ITGAV: variants seen among roughly 807,000 people sequenced by gnomAD.
ITGAV encodes the protein integrin subunit alpha V, also known as integrin alpha-V.
Under a neutral mutation model 143.8 loss-of-function variants are expected in ITGAV, and 76 were observed. That is an observed-to-expected ratio of 0.53 (90% CI 0.44 to 0.64). The LOEUF is 0.64. Among genes scored for constraint, ITGAV ranks in the 30% least tolerant of loss-of-function variants. The pLI is 0.00. For missense variants in ITGAV, 1,193 were observed against 1,274.7 expected (o/e 0.94, Z 0.98); for synonymous variants, 453 against 446.7 (o/e 1.01, Z -0.18).
chr2:186,606,189 C>A (rs1363103622), intron 2 of ITGAV, among the ~76,000 whole-genome samples: 1 of 152,150 alleles, frequency 6.6e-6, no homozygotes, highest in Admixed American at 6.5e-5. Flanking sequence ...AACTCTTCAT[C>A]CCATCTTAGC....
At chr2:186,637,208 G>GCA in intron 8 of ITGAV, 99 bp downstream of exon 8, 2 of 947,826 alleles carry the variant, frequency 2.1e-6, no homozygotes, top group South Asian at 2.7e-5. Flanking sequence ...GTGGCTGGGT[G>GCA]CTGTGGCTGC....
At chr2:186,592,253 C>T (rs1686633479) in intron 1 of ITGAV, among the ~76,000 whole-genome samples, 1 of 152,154 alleles carries the variant, frequency 6.6e-6, no homozygotes, top group Non-Finnish European at 1.5e-5. Flanking sequence ...ACCTGGGCAA[C>T]ATGGTGAAAC....
intron 1 of ITGAV, among the ~76,000 whole-genome samples, chr2:186,599,159 A>C (rs761027944): frequency 3.9e-5 from 6 of 152,240 alleles, no homozygotes; most frequent in Non-Finnish European, 7.3e-5. Flanking sequence ...AATGAAACAA[A>C]ATGATTATGG....
chr2:186,677,046 G>A (rs1453713021), intron 29 of ITGAV, 111 bp downstream of exon 29: 1 of 1,227,672 alleles, frequency 8.1e-7, no homozygotes, highest in Non-Finnish European at 1.2e-6. Flanking sequence ...CTGTAATGAT[G>A]ATACTTGATG....
chr2:186,622,476 T>C (rs367804055), intron 3 of ITGAV, 46 bp downstream of exon 3: 1 of 1,224,462 alleles, frequency 8.2e-7, no homozygotes, highest in Non-Finnish European at 1.2e-6. Flanking sequence ...AGTCAGTTTA[T>C]GTGGAGACAC....
intron 7 of ITGAV, among the ~76,000 whole-genome samples, chr2:186,636,564 A>T (rs1157910304): frequency 6.6e-6 from 1 of 152,220 alleles, no homozygotes; most frequent in East Asian, 1.9e-4. Context: ...TGAGGCACTG[A>T]GACGCAAAAT....
intron 6 of ITGAV, among the ~76,000 whole-genome samples, chr2:186,634,687 C>T (rs888217149): frequency 2.6e-5 from 4 of 152,098 alleles, no homozygotes; most frequent in Admixed American, 2.6e-4. Context: ...ATGCATTATA[C>T]ATCTATTGGG....
At chr2:186,673,577 T>C (rs1689124906) in intron 26 of ITGAV, among the ~76,000 whole-genome samples, 1 of 152,176 alleles carries the variant, frequency 6.6e-6, no homozygotes, top group Non-Finnish European at 1.5e-5. Context: ...TTCAACAATA[T>C]TTTGTCACTT....
chr2:186,614,631 T>G (rs980069919), intron 2 of ITGAV, among the ~76,000 whole-genome samples: 9 of 152,034 alleles, frequency 5.9e-5, no homozygotes, highest in Admixed American at 1.3e-4. Flanking sequence ...TGAGTCTTTT[T>G]TCATATGCTT....
intron 10 of ITGAV, among the ~76,000 whole-genome samples, chr2:186,639,074 A>G (rs911724655): frequency 2.0e-5 from 3 of 152,134 alleles, no homozygotes; most frequent in African/African-American, 7.2e-5. Context: ...TATGTGTATT[A>G]TAGATATTAT....
At chr2:186,603,111 G>A (rs1686959241) in intron 2 of ITGAV, among the ~76,000 whole-genome samples, 1 of 152,090 alleles carries the variant, frequency 6.6e-6, no homozygotes, top group South Asian at 2.1e-4. Context: ...GCAGAATTCT[G>A]TACGCATTTA....
intron 13 of ITGAV, among the ~76,000 whole-genome samples, chr2:186,648,647 T>C (rs1688328476): frequency 6.6e-6 from 1 of 151,724 alleles, no homozygotes; most frequent in Admixed American, 6.6e-5. Context: ...GTATTTTTAG[T>C]AGAGATGGGG....
At chr2:186,642,688 C>T (rs113761147) in intron 12 of ITGAV, among the ~76,000 whole-genome samples, 1 of 143,628 alleles carries the variant, frequency 7.0e-6, no homozygotes, top group Admixed American at 6.9e-5. Flanking sequence ...GCTCCCACCA[C>T]CTAGCCCAGC....
chr2:186,674,905 GGA>G lies in ITGAV; in HGVS notation c.2707-696_2707-695del, dbSNP rs1407948007. On this transcript the variant is annotated intron_variant, in intron 26 of 29. Transcript: ENST00000261023. ...GCTATTGTCTTATTTCTGACATTAG[GGA>G]GAAAGAAGGATGAAGTATGATATTA... 1.1e-4 allele frequency among the ~76,000 whole-genome samples: 17 copies of G among 152,198 alleles called. No individual in the cohort carries two copies. The East Asian group carries it at 3.3e-3, about 29-fold the overall frequency.
At position 186,640,915 on chromosome 2, in the gene ITGAV, A is replaced by T; in HGVS notation, c.904A>T (p.Met302Leu). The change falls in exon 11 of 30, where the codon ATG becomes TTG. Residue 302 changes from methionine (M) to leucine (L), a missense_variant and splice_region_variant. Coordinates refer to ENST00000261023, the MANE Select transcript of ITGAV (RefSeq NM_002210.5). Reference protein sequence around the residue: ...SSLYNFTGEQMAAYFGFSVAA... With the variant: ...SSLYNFTGEQLAAYFGFSVAA... ...ATTTCATTTTCATCTTTTTATCCAG[A>T]TGGCTGCATATTTCGGATTTTCTGT... is the stretch of plus-strand genomic sequence containing the variant. 6.3e-7 allele frequency: 1 copy of T among 1,589,560 alleles called. No individual in the cohort carries two copies. The highest frequency in any genetic ancestry group is 8.6e-7 in the Non-Finnish European group (1 of 1,163,884).
rs773459483 is a variant in ITGAV, at chr2:186,675,653, T to C, written c.2756T>C (p.Leu919Ser). ...CLKIVCQVGR[L>S]DRGKSAILYV... Reference sequence around the variant, plus strand: ...AAGATTGTCTGCCAAGTTGGGAGATTAGACAGAGGAAAGAGTGCAATCTTG... The same window carrying C: ...AAGATTGTCTGCCAAGTTGGGAGATCAGACAGAGGAAAGAGTGCAATCTTG... The change falls in exon 27 of 30, where the codon TTA (leucine) becomes TCA (serine). Residue 919 changes from leucine to serine, a missense_variant. By Grantham distance (145) the Leu-to-Ser change is moderately radical (BLOSUM62 -2). Transcript: ENST00000261023. The C allele has an allele frequency of 5.0e-6, 8 of 1,614,018 alleles. No homozygotes were observed. The highest frequency in any genetic ancestry group is 6.8e-6 in the Non-Finnish European group (8 of 1,179,990).
At chr2:186,607,156 C>T (rs1687090608) in intron 2 of ITGAV, among the ~76,000 whole-genome samples, 1 of 151,978 alleles carries the variant, frequency 6.6e-6, no homozygotes, top group South Asian at 2.1e-4. Context: ...GGGGTGATCA[C>T]GAAGAGTATA....
At chr2:186,646,501 A>G (rs1688262180) in intron 12 of ITGAV, among the ~76,000 whole-genome samples, 185 bp from the exon 13 acceptor site, 1 of 152,174 alleles carries the variant, frequency 6.6e-6, no homozygotes, top group South Asian at 2.1e-4. Context: ...TTGAATTAGT[A>G]TTTATCATGA....
rs968539670 is a variant in ITGAV at position 186,619,991 on chromosome 2, CA to C, written c.317-2338del. 1.6e-4 allele frequency among the ~76,000 whole-genome samples: 24 copies of C among 145,512 alleles called. No homozygotes were observed. In the Middle Eastern group the frequency reaches 0.011, roughly 64 times the overall value. ...TGGGCGACAGAGCAAGACTCCATCT[CA>C]AAAAAAAAAGAAAAAGAAAAGAAAA... is the stretch of plus-strand genomic sequence containing the variant. On this transcript the variant is annotated intron_variant, in intron 2 of 29. Coordinates refer to ENST00000261023, the MANE Select transcript of ITGAV (RefSeq NM_002210.5).
Sources: allele counts gnomAD v4.1 joint callset (sites outside exome capture counted in the v4.1 genomes callset), GRCh38; gene constraint gnomAD v4.1.1; transcripts MANE v1.5; gene names NCBI Gene and HGNC (gene_info 2026-07-23, HGNC 2026-07-21).